The following TRPM5 variants were observed in gnomAD, a reference collection of about 807,000 sequenced individuals.
The protein encoded by TRPM5 is transient receptor potential cation channel subfamily M member 5, also known as MLSN1 and TRP-related.
TRPM5 carries 121 observed loss-of-function variants against 124.9 expected under a neutral mutation model. The observed-to-expected ratio is 0.97, with a 90% CI of 0.84 to 1.13. TRPM5 has a LOEUF of 1.13. TRPM5 is among the 50% of genes most tolerant of loss of function. The pLI is 0.00. For missense variants in TRPM5, 1,643 were observed against 1,589.1 expected, an observed-to-expected ratio of 1.03 and a Z score of -0.58; for synonymous variants, 781 against 700.5, an observed-to-expected ratio of 1.11 and a Z score of -1.81.
chr11:2,410,027 T>C (rs181168962), intron 18 of TRPM5, among the ~76,000 whole-genome samples: 106 of 152,276 alleles, frequency 7.0e-4, no homozygotes, highest in Middle Eastern at 3.4e-3. Context: ...GAGGCGCCCG[T>C]CTAGAGCTCC....
At chr11:2,413,431 G>A (rs546065551) in intron 13 of TRPM5, 45 bp downstream of exon 18, 6 of 1,538,424 alleles carry the variant, frequency 3.9e-6, no homozygotes, top group African/African-American at 1.4e-5. Context: ...TCCGGCACTC[G>A]CACTGCTGCC....
At chr11:2,406,637 A>C in intron 21 of TRPM5, 24 bp downstream of exon 26, 1 of 1,583,356 alleles carries the variant, frequency 6.3e-7, no homozygotes, top group Non-Finnish European at 8.6e-7. Context: ...GATACCCACC[A>C]GTGATCAGGA....
In TRPM5 at chr11:2,415,300, G is replaced by A. The variant is rs748476202; in HGVS notation, c.1300C>T (p.Arg434Trp). 1.7e-5 allele frequency: 27 copies of A among 1,579,906 alleles called. No individual in the cohort carries two copies. The highest frequency in any genetic ancestry group is 3.5e-5 in the Admixed American group (2 of 56,976). Reference sequence around the variant, plus strand: ...GTCAGCCGGGCCTCCTCCTGCTTCCGCTGCAGCAGGTCGAAGAGCAGGCTC... The same window carrying A: ...GTCAGCCGGGCCTCCTCCTGCTTCCACTGCAGCAGGTCGAAGAGCAGGCTC... The change falls in exon 9 of 24, where the codon CGG (arginine) becomes TGG (tryptophan). Residue 434 changes from arginine to tryptophan, a missense_variant. Coordinates refer to ENST00000155858, the Ensembl canonical transcript of TRPM5.
In TRPM5 at chr11:2,411,535, G is replaced by A; in HGVS notation, c.2608-9C>T. ...AAGAAGACGTCCTTCATCTCCACGG[G>A]GCAGGGGCAGAGAGAGGGACGTCAG... On this transcript the variant is annotated splice_polypyrimidine_tract_variant and intron_variant, in intron 17 of 23. Coordinates refer to ENST00000155858, the Ensembl canonical transcript of TRPM5. 6.2e-7 allele frequency: 1 copy of A among 1,608,356 alleles called. No individual in the cohort carries two copies. The highest frequency in any genetic ancestry group is 8.5e-7 in the Non-Finnish European group (1 of 1,176,842).
chr11:2,427,542 G>C (rs905527806), upstream of TRPM5, among the ~76,000 whole-genome samples: 1 of 152,232 alleles, frequency 6.6e-6, no homozygotes, highest in Non-Finnish European at 1.5e-5. Flanking sequence ...ACACGGCCGA[G>C]CCCACAGGCC....
the TRPM5 span, among the ~76,000 whole-genome samples, chr11:2,441,408 C>A: frequency 2.6e-5 from 4 of 152,146 alleles, no homozygotes; most frequent in Non-Finnish European, 4.4e-5. The surrounding 1 kb of genome is among the most constrained non-coding windows in gnomAD (Gnocchi z 7.2). Flanking sequence ...CTCCCCCACC[C>A]TCAGCCCTTG....
chr11:2,428,894 GTGGTGT>G, the TRPM5 span, among the ~76,000 whole-genome samples: 2 of 150,838 alleles, frequency 1.3e-5, no homozygotes, highest in African/African-American at 4.9e-5. The surrounding 1 kb of genome is among the most constrained non-coding windows in gnomAD (Gnocchi z 4.0). Context: ...CATGATGTTG[GTGGTGT>G]TGGTGTTGGT....
chr11:2,410,335 C>T (rs985727679), intron 18 of TRPM5, among the ~76,000 whole-genome samples: 10 of 152,310 alleles, frequency 6.6e-5, no homozygotes, highest in Admixed American at 2.0e-4. Context: ...GGGTCCTGAG[C>T]GCCACTCCAC....
At chr11:2,435,618 TCCAC>T in the TRPM5 span, among the ~76,000 whole-genome samples, 6 of 149,438 alleles carry the variant, frequency 4.0e-5, no homozygotes, top group Admixed American at 2.7e-4. The surrounding 1 kb of genome is among the most constrained non-coding windows in gnomAD (Gnocchi z 4.1). Flanking sequence ...CATCCATCCA[TCCAC>T]CCATCCACCA....
intron 18 of TRPM5, 63 bp from the exon 24 acceptor site, chr11:2,407,975 A>G (rs1269786742): frequency 8.2e-6 from 13 of 1,577,700 alleles, no homozygotes; most frequent in Middle Eastern, 4.4e-4. Flanking sequence ...CCTTAGGCAA[A>G]TGCCCCGAGA....
Position 2,407,247 on chromosome 11 carries a change from C to T in TRPM5, c.2990G>A (p.Arg997His), listed in dbSNP as rs200136506. The T allele has an allele frequency of 2.8e-5, 45 of 1,612,256 alleles. No homozygotes were observed. The East Asian group carries it at 5.1e-4, about 18-fold the overall frequency. The change falls in exon 20 of 24, where the codon CGC becomes CAC. Residue 997 changes from arginine to histidine, a missense_variant. Transcript: ENST00000155858. The stretch of plus-strand genomic sequence containing the variant: ...GTGGTACTCCACAATCAGGTTGTAG[C>T]GCTGGAACTTCCAGAACATGTCTGC...
chr11:2,418,070 GGA>G, intron 6 of TRPM5, 95 bp downstream of exon 11: 2 of 1,186,322 alleles, frequency 1.7e-6, no homozygotes, highest in Non-Finnish European at 2.4e-6. Flanking sequence ...TGAGGTGGGA[GGA>G]GTGGGCTGGA....
chr11:2,434,268 T>C, the TRPM5 span, among the ~76,000 whole-genome samples: 1 of 151,802 alleles, frequency 6.6e-6, no homozygotes, highest in Non-Finnish European at 1.5e-5. Flanking sequence ...TGTGCGTCTG[T>C]GTGGACACTG....
upstream of TRPM5, among the ~76,000 whole-genome samples, chr11:2,427,535 C>T (rs571295168): frequency 1.4e-4 from 21 of 152,358 alleles, no homozygotes; most frequent in Middle Eastern, 3.4e-3. Flanking sequence ...CTGCTCCACA[C>T]GGCCGAGCCC....
At chr11:2,407,365 C>G in intron 19 of TRPM5, 65 bp from the exon 25 acceptor site, 1 of 1,483,070 alleles carries the variant, frequency 6.7e-7, no homozygotes, top group South Asian at 1.2e-5. Context: ...ACGCATCCCC[C>G]TGCACCCTGA....
chr11:2,412,469 C>T (rs1850472366), intron 15 of TRPM5, among the ~76,000 whole-genome samples: 1 of 152,172 alleles, frequency 6.6e-6, no homozygotes, highest in South Asian at 2.1e-4. Flanking sequence ...CTCTTTGTGC[C>T]CAGGGTCTAG....
upstream of TRPM5, among the ~76,000 whole-genome samples, chr11:2,426,485 G>C (rs929161794): frequency 1.3e-5 from 2 of 152,080 alleles, no homozygotes; most frequent in African/African-American, 4.8e-5. Flanking sequence ...AGGGGCCATC[G>C]TGACCCCTGG....
chr11:2,415,165 G>T (rs778497517), exon 9 of TRPM5: 8 of 1,581,358 alleles, frequency 5.1e-6, no homozygotes, highest in South Asian at 1.1e-5. Flanking sequence ...TAGAAGCCTC[G>T]GCAGGCGTCC....
chr11:2,407,775 G>T, exon 19 of TRPM5: 1 of 1,613,786 alleles, frequency 6.2e-7, no homozygotes, highest in South Asian at 1.1e-5. Context: ...ATGGCGATGA[G>T]CAGGTTCATG....
Sources: allele counts gnomAD v4.1 joint callset (sites outside exome capture counted in the v4.1 genomes callset), GRCh38; gene constraint gnomAD v4.1.1; non-coding constraint Gnocchi (gnomAD v3.1); transcripts MANE v1.5; gene names NCBI Gene and HGNC (gene_info 2026-07-23, HGNC 2026-07-21).